The following LRRC8D variants were observed in gnomAD, a reference collection of about 807,000 sequenced individuals.
LRRC8D encodes volume-regulated anion channel subunit LRRC8D.
LRRC8D carries 20 observed loss-of-function variants against 55.8 expected under a neutral mutation model. The observed-to-expected ratio is 0.36, with a 90% CI of 0.25 to 0.52. The LOEUF (loss-of-function observed/expected upper bound fraction) is 0.52. Among genes scored for constraint, LRRC8D ranks in the 20% least tolerant of loss-of-function variants. LRRC8D has a pLI of 0.93. For synonymous variants in LRRC8D, 352 were observed against 377.0 expected, an observed-to-expected ratio of 0.93 and a Z score of 0.77; for missense variants, 651 against 1,030.8, an observed-to-expected ratio of 0.63 and a Z score of 5.05.
intron 2 of LRRC8D, among the ~76,000 whole-genome samples, chr1:89,855,714 A>T (rs962499561): frequency 1.3e-5 from 2 of 152,240 alleles, no homozygotes; most frequent in African/African-American, 4.8e-5. Flanking sequence ...ATTTCTCCAC[A>T]TAATTATATA....
At chr1:89,874,166 T>C (rs1662091447) in intron 2 of LRRC8D, among the ~76,000 whole-genome samples, 1 of 152,212 alleles carries the variant, frequency 6.6e-6, no homozygotes, top group African/African-American at 2.4e-5. Flanking sequence ...AAATTTCTCC[T>C]ACACAAAGCT....
At chr1:89,898,219 C>A (rs1038065044) in intron 2 of LRRC8D, among the ~76,000 whole-genome samples, 1 of 152,110 alleles carries the variant, frequency 6.6e-6, no homozygotes, top group African/African-American at 2.4e-5. Context: ...AGAAGTGAGG[C>A]CACCACATTT....
At position 89,841,414 on chromosome 1, in the gene LRRC8D, G is replaced by A. The variant is rs1408175314; in HGVS notation, c.-147-2224G>A. Among the ~76,000 whole-genome samples, 3 of 122,392 alleles carry A rather than the reference G, an allele frequency of 2.5e-5. No homozygotes were observed. In the Admixed American group the frequency reaches 2.5e-4, roughly 10 times the overall value. The allele number at this position is 122,392 out of a possible 152,430, so 80.3% of individuals were successfully genotyped here. A position where few individuals can be genotyped will look rare whatever the true frequency, so the allele number is the denominator to read the frequency against. ...CAAGACCACCCCCCCCCTTTTTTTT[G>A]TGAGTGCACAAGACTCTTAATCACC... On this transcript the variant is annotated intron_variant, in intron 1 of 2. Coordinates refer to ENST00000337338, the MANE Select transcript of LRRC8D (RefSeq NM_001134479.2).
intron 2 of LRRC8D, among the ~76,000 whole-genome samples, chr1:89,853,372 A>G (rs1486488880): frequency 1.3e-5 from 2 of 152,032 alleles, no homozygotes; most frequent in Non-Finnish European, 2.9e-5. Context: ...CCCAGGAGAG[A>G]AGTGAGGGCT....
At chr1:89,821,526 T>A (rs969613471) in intron 1 of LRRC8D, among the ~76,000 whole-genome samples, 1 of 152,138 alleles carries the variant, frequency 6.6e-6, no homozygotes, top group African/African-American at 2.4e-5. Flanking sequence ...TTCTGCAGTC[T>A]GAGCGTCGGC....
chr1:89,822,944 T>A (rs1660676317), intron 1 of LRRC8D, among the ~76,000 whole-genome samples: 1 of 152,130 alleles, frequency 6.6e-6, no homozygotes, highest in Non-Finnish European at 1.5e-5. Context: ...GAAAATTAGG[T>A]GGTTAAAACA....
At chr1:89,873,141 C>T (rs1662063365) in intron 2 of LRRC8D, among the ~76,000 whole-genome samples, 1 of 152,080 alleles carries the variant, frequency 6.6e-6, no homozygotes, top group African/African-American at 2.4e-5. Context: ...GGGGAGAGAT[C>T]ATAGAGATCC....
At position 89,849,821 on chromosome 1, in the gene LRRC8D, T is replaced by C. The variant is rs57721160; in HGVS notation, c.-3+6039T>C. 7.9e-3 allele frequency among the ~76,000 whole-genome samples: 1,209 copies of C among 152,298 alleles called. 18 individuals are homozygous for C. Among genetic ancestry groups the C allele is most frequent in the African/African-American group, 0.028 (1,150 of 41,558 alleles). On this transcript the variant is annotated intron_variant, in intron 2 of 2. Transcript: ENST00000337338. ...TAGACATTGTAACTTTCTTCTAGTG[T>C]GTCACTTTCCTAATAACTTTGTCTA...
intron 2 of LRRC8D, among the ~76,000 whole-genome samples, chr1:89,923,193 G>A (rs1271207960): frequency 6.6e-6 from 1 of 152,176 alleles, no homozygotes; most frequent in East Asian, 1.9e-4. Context: ...TTTCATGTGT[G>A]CCATTGACAA....
intron 2 of LRRC8D, among the ~76,000 whole-genome samples, chr1:89,857,239 C>T (rs186303356): frequency 4.9e-4 from 74 of 151,822 alleles, no homozygotes; most frequent in African/African-American, 1.5e-3. Context: ...GAAAATTAGC[C>T]GGGTGTGGTG....
intron 2 of LRRC8D, among the ~76,000 whole-genome samples, chr1:89,867,925 CAA>C (rs1191770924): frequency 6.6e-6 from 1 of 152,108 alleles, no homozygotes; most frequent in Admixed American, 6.6e-5. Flanking sequence ...GATTGAAAGA[CAA>C]AGAGTAAATG....
intron 2 of LRRC8D, among the ~76,000 whole-genome samples, chr1:89,923,341 A>C (rs540712955): frequency 2.0e-5 from 3 of 152,266 alleles, no homozygotes; most frequent in Non-Finnish European, 2.9e-5. Flanking sequence ...AAGTTAAAAA[A>C]CAAAAATCCC....
intron 2 of LRRC8D, among the ~76,000 whole-genome samples, chr1:89,860,785 A>AATAT (rs35932362): frequency 0.053 from 1,487 of 28,144 alleles, 84 homozygotes; most frequent in Middle Eastern, 0.12. Flanking sequence ...AAAAAAAAAA[A>AATAT]ATATATATAT....
At chr1:89,832,933 C>T (rs1030886096) in intron 1 of LRRC8D, among the ~76,000 whole-genome samples, 17 of 152,162 alleles carry the variant, frequency 1.1e-4, no homozygotes, top group African/African-American at 3.9e-4. Flanking sequence ...GACAACAGCC[C>T]CATTTTGTAG....
chr1:89,831,313 C>T (rs1660881257), intron 1 of LRRC8D, among the ~76,000 whole-genome samples: 1 of 152,088 alleles, frequency 6.6e-6, no homozygotes. Context: ...ACCCGCAAGC[C>T]CCGTACTTTA....
chr1:89,870,942 GA>G (rs754983611), intron 2 of LRRC8D, among the ~76,000 whole-genome samples: 32 of 152,224 alleles, frequency 2.1e-4, no homozygotes, highest in Non-Finnish European at 3.7e-4. Flanking sequence ...GTAGGACGCT[GA>G]AATACCTTCT....
intron 2 of LRRC8D, among the ~76,000 whole-genome samples, chr1:89,904,493 A>G (rs1662943481): frequency 6.6e-6 from 1 of 152,214 alleles, no homozygotes; most frequent in Non-Finnish European, 1.5e-5. Flanking sequence ...CCTTAAAAGG[A>G]CTGCAGGAAT....
At chr1:89,847,751 AT>A (rs2100757444) in intron 2 of LRRC8D, among the ~76,000 whole-genome samples, 1 of 152,338 alleles carries the variant, frequency 6.6e-6, no homozygotes, top group South Asian at 2.1e-4. Context: ...ATATTAAAAG[AT>A]TTCAACGATC....
chr1:89,928,112 C>T (rs1663614038), intron 2 of LRRC8D, among the ~76,000 whole-genome samples: 1 of 152,182 alleles, frequency 6.6e-6, no homozygotes, highest in Non-Finnish European at 1.5e-5. Flanking sequence ...CTCTGTTTCC[C>T]AGGCTGGAGT....
Sources: gnomAD v4.1 joint callset for allele counts (sites outside exome capture counted in the v4.1 genomes callset) on GRCh38, gnomAD v4.1.1 for gene constraint, MANE v1.5 for transcripts, NCBI Gene and HGNC (gene_info 2026-07-23, HGNC 2026-07-21) for gene names.